The following SMOC2 variants were observed in gnomAD, a reference collection of about 807,000 sequenced individuals.
SMOC2 encodes SPARC-related modular calcium-binding protein 2.
In SMOC2, 39 loss-of-function variants were observed where a neutral mutation model predicts 61.4. That is an observed-to-expected ratio of 0.64 (90% CI 0.49 to 0.83). SMOC2 has a LOEUF of 0.83. Ranked by LOEUF, SMOC2 falls within the 40% of genes least tolerant of loss-of-function variation. The probability of loss-of-function intolerance (pLI) is 0.00; values close to 1 mark genes in which losing one functional copy is unlikely to be tolerated. For missense variants in SMOC2, 556 were observed against 592.9 expected (o/e 0.94, Z 0.65); for synonymous variants, 247 against 239.9 (o/e 1.03, Z -0.27).
intron 9 of SMOC2, among the ~76,000 whole-genome samples, chr6:168,649,861 T>C (rs941663044): frequency 1.3e-5 from 2 of 152,234 alleles, no homozygotes; most frequent in African/African-American, 4.8e-5. Context: ...GGATGCTGCC[T>C]GTGTCCAGCT....
chr6:168,504,172 C>T (rs1391949883), intron 1 of SMOC2, among the ~76,000 whole-genome samples: 2 of 152,034 alleles, frequency 1.3e-5, no homozygotes, highest in Admixed American at 6.6e-5. Flanking sequence ...CTCTGGGTTC[C>T]TTAGATGGGC....
At chr6:168,578,471 TGA>T (rs1784854669) in intron 7 of SMOC2, among the ~76,000 whole-genome samples, 1 of 152,234 alleles carries the variant, frequency 6.6e-6, no homozygotes, top group Non-Finnish European at 1.5e-5. Context: ...TCATTGAATT[TGA>T]GTTTGTTCAT....
Position 168,526,302 on chromosome 6 carries a change from C to A in SMOC2, c.257-44C>A, listed in dbSNP as rs768072965. On this transcript the variant is annotated intron_variant, in intron 2 of 12. Coordinates refer to ENST00000356284, the MANE Select transcript of SMOC2 (RefSeq NM_001166412.2). The stretch of plus-strand genomic sequence containing the variant: ...AATGTTCCTATATCTGTTCTATCTT[C>A]TTCCCATTGCATAACCACACCTCTG... The A allele has an allele frequency of 3.3e-6, 5 of 1,530,332 alleles. No individual in the cohort carries two copies. In the Admixed American group the frequency reaches 5.0e-5, roughly 15 times the overall value. The allele number at this position is 1,530,332 out of a possible 1,614,324, so 94.8% of individuals were successfully genotyped here.
chr6:168,534,094 ATAAAAATT>A (rs1783678040), intron 4 of SMOC2, among the ~76,000 whole-genome samples: 1 of 152,122 alleles, frequency 6.6e-6, no homozygotes, highest in South Asian at 2.1e-4. Flanking sequence ...TCTACAAAAA[ATAAAAATT>A]TAAAAATTTA....
At position 168,462,763 on chromosome 6, in the gene SMOC2, G is replaced by C. The variant is rs143459989; in HGVS notation, c.84+21309G>C. On this transcript the variant is annotated intron_variant, in intron 1 of 12. Transcript: ENST00000356284. ...TTTGGGCTGAGAGTCTCCATGTGTC[G>C]AGGTGGTGCATCTCTTTAGGAAGTG... Among the ~76,000 whole-genome samples the C allele has an allele frequency of 7.3e-3, 1,114 of 152,270 alleles. 28 individuals are homozygous for C. The highest frequency in any genetic ancestry group is 0.052 in the Admixed American group (801 of 15,296).
intron 1 of SMOC2, among the ~76,000 whole-genome samples, chr6:168,483,703 A>C (rs1782264304): frequency 6.6e-6 from 1 of 152,190 alleles, no homozygotes; most frequent in Admixed American, 6.5e-5. Flanking sequence ...AAATCTCATT[A>C]CAAAGCTACT....
chr6:168,628,156 C>G (rs6913379), intron 9 of SMOC2, among the ~76,000 whole-genome samples: 3,461 of 152,358 alleles, frequency 0.023, 139 homozygotes, highest in African/African-American at 0.079. Flanking sequence ...TCTGGGGTTG[C>G]ACTTCTTTGT....
chr6:168,503,846 A>C (rs1005833145), intron 1 of SMOC2, among the ~76,000 whole-genome samples: 2 of 152,078 alleles, frequency 1.3e-5, no homozygotes, highest in Non-Finnish European at 2.9e-5. Flanking sequence ...AAAAAAACGC[A>C]CCACAAAATT....
In SMOC2 at chr6:168,441,473, G is replaced by A. The variant is rs775729274; in HGVS notation, c.84+19G>A. On this transcript the variant is annotated intron_variant, in intron 1 of 12. Coordinates refer to ENST00000356284, the MANE Select transcript of SMOC2 (RefSeq NM_001166412.2). ...GCTCACGGTAAGCCCGGGCCCGCGGGACCTGGAGCTCAAGTGGTGCCGCCT... is the reference window on the plus strand; with the variant it reads ...GCTCACGGTAAGCCCGGGCCCGCGGAACCTGGAGCTCAAGTGGTGCCGCCT... The A allele has an allele frequency of 1.5e-5, 22 of 1,485,846 alleles. No homozygotes were observed. The highest frequency in any genetic ancestry group is 2.0e-5 in the Non-Finnish European group (22 of 1,121,990). The allele number at this position is 1,485,846 out of a possible 1,614,324, so 92.0% of individuals were successfully genotyped here.
chr6:168,649,622 C>A (rs1353072315), intron 9 of SMOC2, among the ~76,000 whole-genome samples: 2 of 152,198 alleles, frequency 1.3e-5, no homozygotes, highest in Non-Finnish European at 2.9e-5. Context: ...GATATTTACA[C>A]ACAAATAGAC....
intron 1 of SMOC2, among the ~76,000 whole-genome samples, chr6:168,463,073 C>T (rs900566981): frequency 7.9e-5 from 12 of 152,204 alleles, no homozygotes; most frequent in East Asian, 1.9e-4. Context: ...GGAGTTGGAG[C>T]CTGGCTTTCG....
intron 2 of SMOC2, among the ~76,000 whole-genome samples, chr6:168,518,063 G>C (rs567188079): frequency 4.6e-4 from 70 of 152,342 alleles, no homozygotes; most frequent in African/African-American, 1.6e-3. Flanking sequence ...GTACTCAGCG[G>C]CCTAGAAACA....
chr6:168,645,733 G>GT (rs1268000231), intron 9 of SMOC2, among the ~76,000 whole-genome samples: 1 of 152,158 alleles, frequency 6.6e-6, no homozygotes, highest in African/African-American at 2.4e-5. Context: ...GAGAGAAGCG[G>GT]TTTCCCCCCA....
At chr6:168,618,810 G>A (rs1287458622) in intron 9 of SMOC2, among the ~76,000 whole-genome samples, 2 of 152,098 alleles carry the variant, frequency 1.3e-5, no homozygotes, top group African/African-American at 2.4e-5. Context: ...ATGGGCTCTC[G>A]ACGCAGCAGG....
chr6:168,619,065 G>A (rs1164505708), intron 9 of SMOC2, among the ~76,000 whole-genome samples: 11 of 152,182 alleles, frequency 7.2e-5, no homozygotes, highest in Admixed American at 5.2e-4. Context: ...CCCTCAGCAC[G>A]GATCGGAGAA....
At chr6:168,652,113 G>A (rs971771512) in intron 10 of SMOC2, among the ~76,000 whole-genome samples, 1 of 151,946 alleles carries the variant, frequency 6.6e-6, no homozygotes, top group Non-Finnish European at 1.5e-5. Context: ...TCTATTCTTG[G>A]AAAGATTGTT....
At chr6:168,493,923 G>A (rs1313973250) in intron 1 of SMOC2, among the ~76,000 whole-genome samples, 1 of 152,120 alleles carries the variant, frequency 6.6e-6, no homozygotes, top group Admixed American at 6.6e-5. Flanking sequence ...TTCCAGAGGA[G>A]TTGTTCTTCA....
intron 9 of SMOC2, among the ~76,000 whole-genome samples, chr6:168,632,232 C>A (rs1027244393): frequency 6.6e-6 from 1 of 152,204 alleles, no homozygotes; most frequent in African/African-American, 2.4e-5. Context: ...AAGTGACATT[C>A]ATATTAACCA....
intron 5 of SMOC2, 185 bp from the exon 6 acceptor site, chr6:168,546,934 C>G (rs2115103481): frequency 1.4e-6 from 1 of 725,690 alleles, no homozygotes; most frequent in East Asian, 2.5e-5. Context: ...GCGGCTCACT[C>G]AAGACTGGTA....
Sources: allele counts gnomAD v4.1 joint callset (sites outside exome capture counted in the v4.1 genomes callset), GRCh38; gene constraint gnomAD v4.1.1; transcripts MANE v1.5; gene names NCBI Gene and HGNC (gene_info 2026-07-23, HGNC 2026-07-21).